The following R3HDM1 variants were observed in gnomAD, a reference collection of about 807,000 sequenced individuals.
R3HDM1 encodes R3H domain-containing protein 1.
A neutral mutation model predicts 141.1 loss-of-function variants in R3HDM1; 46 were observed. That is an observed-to-expected ratio of 0.33 (90% CI 0.26 to 0.42). The LOEUF (loss-of-function observed/expected upper bound fraction) is 0.42. Ranked by LOEUF, R3HDM1 falls within the 10% of genes least tolerant of loss-of-function variation. R3HDM1 has a pLI of 1.00. For missense variants in R3HDM1, 1,184 were observed against 1,368.3 expected (o/e 0.87, Z 2.12); for synonymous variants, 435 against 472.9 (o/e 0.92, Z 1.04).
intron 18 of R3HDM1, among the ~76,000 whole-genome samples, chr2:135,660,373 A>G (rs1428569041): frequency 6.6e-6 from 1 of 152,164 alleles, no homozygotes; most frequent in Non-Finnish European, 1.5e-5. Context: ...CCTTAAGGTA[A>G]TATAAGCCAT....
At chr2:135,566,873 G>T (rs1280022552) in intron 1 of R3HDM1, 1 of 581,884 alleles carries the variant, frequency 1.7e-6, no homozygotes, top group Non-Finnish European at 2.2e-6. Context: ...TTGGCAGGCT[G>T]GGGCAGAAGA....
At chr2:135,625,425 A>T (rs1178742797) in intron 7 of R3HDM1, among the ~76,000 whole-genome samples, 2 of 152,216 alleles carry the variant, frequency 1.3e-5, no homozygotes, top group Non-Finnish European at 2.9e-5. Flanking sequence ...AGCCTGGGCA[A>T]TAAGAGCAAA....
intron 16 of R3HDM1, among the ~76,000 whole-genome samples, chr2:135,646,823 A>G (rs1179467752): frequency 1.3e-5 from 2 of 151,158 alleles, no homozygotes; most frequent in East Asian, 3.9e-4. Context: ...AGCCTGGGTA[A>G]CAGAGTGAGA....
At chr2:135,587,603 A>G (rs916022643) in intron 1 of R3HDM1, among the ~76,000 whole-genome samples, 2 of 152,178 alleles carry the variant, frequency 1.3e-5, no homozygotes, top group Admixed American at 6.6e-5. Context: ...TAATGCCAAG[A>G]GAATTTCATT....
intron 21 of R3HDM1, among the ~76,000 whole-genome samples, chr2:135,705,169 TTA>T (rs1314924455): frequency 3.9e-5 from 6 of 152,238 alleles, no homozygotes; most frequent in Non-Finnish European, 8.8e-5. Flanking sequence ...TTGTACATTT[TTA>T]TGTTTGGCTG....
intron 1 of R3HDM1, chr2:135,590,549 A>G (rs1709022401): frequency 1.0e-6 from 1 of 985,114 alleles, no homozygotes; most frequent in South Asian, 4.7e-5. Flanking sequence ...ATAAAATCTG[A>G]AATGCATTAA....
At chr2:135,639,427 A>G (rs952617580) in intron 14 of R3HDM1, among the ~76,000 whole-genome samples, 2 of 152,190 alleles carry the variant, frequency 1.3e-5, no homozygotes, top group Non-Finnish European at 2.9e-5. Flanking sequence ...GTAATTGGAA[A>G]TTCTTTATTA....
intron 5 of R3HDM1, chr2:135,619,668 A>G (rs1187056421): frequency 1.2e-6 from 1 of 853,562 alleles, no homozygotes; most frequent in African/African-American, 1.8e-5. Flanking sequence ...ATTGGAAAAT[A>G]AATTATTTCT....
At chr2:135,645,154 T>C in intron 15 of R3HDM1, 1 of 355,876 alleles carries the variant, frequency 2.8e-6, no homozygotes, top group Non-Finnish European at 4.8e-6. Context: ...TAATAAGAAA[T>C]GCAGTAAAAC....
intron 18 of R3HDM1, among the ~76,000 whole-genome samples, chr2:135,655,615 T>G (rs1157234303): frequency 6.6e-6 from 1 of 151,996 alleles, no homozygotes; most frequent in Non-Finnish European, 1.5e-5. Flanking sequence ...CACGCCATTC[T>G]CCTGCCTCAG....
At chr2:135,682,008 A>G (rs1166519104) in intron 21 of R3HDM1, among the ~76,000 whole-genome samples, 1 of 150,682 alleles carries the variant, frequency 6.6e-6, no homozygotes, top group Non-Finnish European at 1.5e-5. Context: ...TTTAAATTTT[A>G]TAAATAAGGA....
At chr2:135,641,861 G>A in intron 15 of R3HDM1, 71 bp downstream of exon 15, 1 of 1,435,750 alleles carries the variant, frequency 7.0e-7, no homozygotes, top group Non-Finnish European at 9.3e-7. Flanking sequence ...TGTATTTTCT[G>A]AATATGTGTA....
intron 2 of R3HDM1, among the ~76,000 whole-genome samples, chr2:135,604,315 A>G (rs978742531): frequency 6.6e-6 from 1 of 152,222 alleles, no homozygotes; most frequent in Non-Finnish European, 1.5e-5. Flanking sequence ...TTGGAGAAAA[A>G]GATTTCTAAT....
In R3HDM1 at chr2:135,721,976, T is replaced by C. The variant is rs1287976079; in HGVS notation, c.2934T>C (p.Ala978=). The C allele has an allele frequency of 2.5e-6, 4 of 1,613,804 alleles. No homozygotes were observed. Among genetic ancestry groups the C allele is most frequent in the Non-Finnish European group, 3.4e-6 (4 of 1,179,788 alleles). ...AGCCACTGCAGTACAATCCTCCTGC[T>C]GTTCTGCACGGACACATTCCAAACC... ...LGQPLQYNPP[A]VLHGHIPNQQ... Residue 978 remains alanine, a synonymous_variant, in exon 25 of 27, where the codon GCT becomes GCC. Transcript: ENST00000683871.
chr2:135,709,572 CAT>C, intron 22 of R3HDM1, 36 bp downstream of exon 22: 1 of 1,605,980 alleles, frequency 6.2e-7, no homozygotes, highest in Non-Finnish European at 8.5e-7. Context: ...ATGATTGGTT[CAT>C]ATGAGAAATA....
intron 1 of R3HDM1, among the ~76,000 whole-genome samples, chr2:135,595,099 C>T (rs1423019862): frequency 1.3e-5 from 2 of 152,114 alleles, no homozygotes; most frequent in Admixed American, 6.5e-5. Context: ...TTCCTGAGCT[C>T]CAAGTCTATA....
chr2:135,559,507 C>A (rs1034191918), intron 1 of R3HDM1, among the ~76,000 whole-genome samples: 5 of 152,148 alleles, frequency 3.3e-5, no homozygotes, highest in African/African-American at 1.2e-4. Context: ...CCAGGTCCAT[C>A]CTGCATTTCT....
intron 5 of R3HDM1, among the ~76,000 whole-genome samples, 197 bp from the exon 6 acceptor site, chr2:135,621,297 T>C (rs1016734479): frequency 1.3e-5 from 2 of 152,058 alleles, no homozygotes; most frequent in African/African-American, 2.4e-5. Flanking sequence ...ACTCAGAACG[T>C]TAGTTTTACA....
intron 1 of R3HDM1, among the ~76,000 whole-genome samples, chr2:135,551,735 A>C (rs1036520490): frequency 1.4e-4 from 22 of 152,136 alleles, no homozygotes; most frequent in African/African-American, 3.9e-4. Flanking sequence ...GCTGTTTGAG[A>C]TCGGGGGGTG....
Sources: allele counts gnomAD v4.1 joint callset (sites outside exome capture counted in the v4.1 genomes callset), GRCh38; gene constraint gnomAD v4.1.1; transcripts MANE v1.5; gene names NCBI Gene and HGNC (gene_info 2026-07-23, HGNC 2026-07-21).